Variants in GIGYF2 observed in about 807,000 individuals in gnomAD.
The protein encoded by GIGYF2 is GRB10-interacting GYF protein 2.
A neutral mutation model predicts 208.1 loss-of-function variants in GIGYF2; 25 were observed. That is an observed-to-expected ratio of 0.12 (90% CI 0.09 to 0.17). The LOEUF (loss-of-function observed/expected upper bound fraction) is 0.17. Among genes scored for constraint, GIGYF2 ranks in the 10% least tolerant of loss-of-function variants. The pLI is 1.00. For synonymous variants in GIGYF2, 534 were observed against 543.8 expected (o/e 0.98, Z 0.25); for missense variants, 1,302 against 1,579.4 (o/e 0.82, Z 2.98).
chr2:232,761,367 T>G (rs1190791355), intron 7 of GIGYF2, 29 bp from the exon 8 acceptor site: 1 of 1,537,708 alleles, frequency 6.5e-7, no homozygotes. Flanking sequence ...CTGTGAGACT[T>G]TGTTTGAAAC....
chr2:232,848,378 G>A (rs113823439), intron 27 of GIGYF2, among the ~76,000 whole-genome samples: 2,733 of 152,254 alleles, frequency 0.018, 88 homozygotes, highest in African/African-American at 0.062. Context: ...GCTCATGTCC[G>A]TAATCCCAGC....
chr2:232,728,899 C>A (rs1267871320), intron 2 of GIGYF2, among the ~76,000 whole-genome samples: 5 of 151,692 alleles, frequency 3.3e-5, no homozygotes, highest in Non-Finnish European at 5.9e-5. Context: ...TGGTTCAAAT[C>A]CTGAATTGCT....
intron 20 of GIGYF2, 24 bp from the exon 21 acceptor site, chr2:232,819,803 C>G (rs758213256): frequency 1.4e-5 from 5 of 351,456 alleles, no homozygotes; most frequent in South Asian, 8.6e-5. Flanking sequence ...CCCCCACCCC[C>G]CACCCTCCAT....
Position 232,858,618 on chromosome 2 carries a change from T to C in GIGYF2, c.*1758T>C, listed in dbSNP as rs1690663155. 2.2e-6 allele frequency: 1 copy of C among 453,682 alleles called. No homozygotes were observed. The highest frequency in any genetic ancestry group is 1.6e-5 in the South Asian group (1 of 64,292). 28.1% of individuals were successfully genotyped at this position (453,682 alleles called of 1,614,324 possible). On this transcript the variant is annotated 3_prime_UTR_variant, in exon 29 of 29. Coordinates refer to ENST00000373563, the MANE Select transcript of GIGYF2 (RefSeq NM_001103146.3). The stretch of plus-strand genomic sequence containing the variant: ...AAAAAAGAACTTAAATAAAATCTGA[T>C]TGTATTCTATCTGAGTGCACCTCTT...
intron 3 of GIGYF2, among the ~76,000 whole-genome samples, chr2:232,741,259 C>T (rs1697957960): frequency 6.6e-6 from 1 of 152,058 alleles, no homozygotes; most frequent in East Asian, 1.9e-4. Context: ...TTTGATAATT[C>T]CTTTTACTTC....
intron 2 of GIGYF2, among the ~76,000 whole-genome samples, chr2:232,726,751 C>T (rs78094845): frequency 0.023 from 3,538 of 152,124 alleles, 151 homozygotes; most frequent in African/African-American, 0.081. Context: ...AGATCTTGCC[C>T]GCTCCATACC....
At chr2:232,710,021 G>A (rs546614492) in intron 2 of GIGYF2, among the ~76,000 whole-genome samples, 5 of 151,956 alleles carry the variant, frequency 3.3e-5, no homozygotes, top group South Asian at 2.1e-4. Context: ...GTGCAGTGGC[G>A]TGATCTCAGC....
intron 8 of GIGYF2, among the ~76,000 whole-genome samples, chr2:232,762,678 A>C (rs567582499): frequency 1.1e-4 from 16 of 152,186 alleles, no homozygotes; most frequent in African/African-American, 3.8e-4. Context: ...TTAAAAACTT[A>C]AAGATATCAA....
intron 2 of GIGYF2, among the ~76,000 whole-genome samples, chr2:232,713,083 T>TTTC (rs1457935575): frequency 1.3e-5 from 2 of 151,380 alleles, no homozygotes; most frequent in Non-Finnish European, 2.9e-5. Flanking sequence ...AAAACTTCTT[T>TTTC]TTTTTTTTTT....
At chr2:232,758,814 A>T (rs568944769) in intron 6 of GIGYF2, among the ~76,000 whole-genome samples, 1 of 152,336 alleles carries the variant, frequency 6.6e-6, no homozygotes, top group African/African-American at 2.4e-5. Context: ...TCTCTAAAAG[A>T]TGAGGAGACT....
chr2:232,844,314 T>G, intron 24 of GIGYF2, 55 bp from the exon 25 acceptor site: 1 of 1,612,618 alleles, frequency 6.2e-7, no homozygotes, highest in Non-Finnish European at 8.5e-7. Context: ...TCTGACTGTC[T>G]TCTTATCTTT....
chr2:232,858,869 A>G lies in GIGYF2; in HGVS notation c.*2009A>G, dbSNP rs1574963228. ...ACTCTCCCTTTCTGCTAACATGTGG[A>G]TCAGCTCCTGCCCTCATACCGCAGA... On this transcript the variant is annotated 3_prime_UTR_variant, in exon 29 of 29. Transcript: ENST00000373563. 1 of 274,744 alleles carries G rather than the reference A, an allele frequency of 3.6e-6. No individual in the cohort carries two copies. Among genetic ancestry groups the G allele is most frequent in the East Asian group, 9.4e-5 (1 of 10,656 alleles). The allele number at this position is 274,744 out of a possible 1,614,324, so 17.0% of individuals were successfully genotyped here. A position where few individuals can be genotyped will look rare whatever the true frequency, so the allele number is the denominator to read the frequency against.
In GIGYF2 at chr2:232,756,231, T is replaced by C. The variant is rs764483490; in HGVS notation, c.276T>C (p.Phe92=). Residue 92 remains phenylalanine (F), a synonymous_variant, in exon 6 of 29, where the codon TTT becomes TTC. Coordinates refer to ENST00000373563, the MANE Select transcript of GIGYF2 (RefSeq NM_001103146.3). ...TTTTTTTTTTTTGGCAGAGAAACTT[T>C]TCCATGTCTGTAAATAGTGCTGCTG... ...VPFTEEEQRN[F]SMSVNSAAVL... is the part of the protein sequence containing the mutation. 6.5e-7 allele frequency: 1 copy of C among 1,530,048 alleles called. No homozygotes were observed. Among genetic ancestry groups the C allele is most frequent in the East Asian group, 2.3e-5 (1 of 44,232 alleles). The allele number at this position is 1,530,048 out of a possible 1,614,324, so 94.8% of individuals were successfully genotyped here.
chr2:232,745,730 A>C (rs895110309), intron 3 of GIGYF2, among the ~76,000 whole-genome samples: 4 of 152,178 alleles, frequency 2.6e-5, no homozygotes, highest in Non-Finnish European at 5.9e-5. Context: ...ACCTTAGTGA[A>C]CTTAGGGAAC....
Position 232,792,856 on chromosome 2 carries a change from T to G in GIGYF2, c.1282+1410T>G. ...GAAATTCTTGGATCAAGTCTAGATA[T>G]ATATATTCTGAGAAGGCTTCATAGA... is the stretch of plus-strand genomic sequence containing the variant. On this transcript the variant is annotated intron_variant, in intron 12 of 28. Coordinates refer to ENST00000373563, the MANE Select transcript of GIGYF2 (RefSeq NM_001103146.3). 1.3e-5 allele frequency among the ~76,000 whole-genome samples: 2 copies of G among 152,182 alleles called. 1 individual carries two copies. The highest frequency in any genetic ancestry group is 2.9e-5 in the Non-Finnish European group (2 of 68,030).
chr2:232,844,715 C>A, intron 25 of GIGYF2, 141 bp downstream of exon 25: 2 of 692,090 alleles, frequency 2.9e-6, no homozygotes, highest in South Asian at 1.5e-5. Context: ...CACATGCAGT[C>A]ATAATTATGG....
At chr2:232,771,914 A>G (rs1361799030) in intron 8 of GIGYF2, among the ~76,000 whole-genome samples, 1 of 152,210 alleles carries the variant, frequency 6.6e-6, no homozygotes, top group Non-Finnish European at 1.5e-5. Flanking sequence ...CAAGGCTTAC[A>G]TTTGTGGTAA....
rs765122125 is a variant in GIGYF2 at position 232,845,848 on chromosome 2, A to G, written c.3422A>G (p.Gln1141Arg). The G allele has an allele frequency of 3.7e-6, 6 of 1,612,706 alleles. No individual in the cohort carries two copies. The highest frequency in any genetic ancestry group is 5.1e-6 in the Non-Finnish European group (6 of 1,178,666). The change falls in exon 26 of 29, where the codon CAG becomes CGG. Residue 1141 changes from glutamine (Q) to arginine (R), a missense_variant. Gln to Arg is a conservative substitution (Grantham distance 43). Coordinates refer to ENST00000373563, the MANE Select transcript of GIGYF2 (RefSeq NM_001103146.3). ...GATGGATTTACGCAGTGGTGTGAAC[A>G]GATGCTTCATGCCCTTAATACGGCA... ...AQDGFTQWCE[Q>R]MLHALNTANN...
chr2:232,806,368 T>G lies in GIGYF2; in HGVS notation c.1640-123T>G. ...AGCTACCTTTAGAGGTGAATTAAAT[T>G]AGATAGTATAAAACATTTTGACAGA... is the stretch of plus-strand genomic sequence containing the variant. On this transcript the variant is annotated intron_variant, in intron 14 of 28. Coordinates refer to ENST00000373563, the MANE Select transcript of GIGYF2 (RefSeq NM_001103146.3). The surrounding 1 kb of genome is among the most constrained non-coding windows in gnomAD (Gnocchi z 4.0). 1.3e-6 allele frequency: 1 copy of G among 761,660 alleles called. No individual in the cohort carries two copies. The highest frequency in any genetic ancestry group is 2.4e-6 in the Non-Finnish European group (1 of 421,312). 47.2% of individuals were successfully genotyped at this position (761,660 alleles called of 1,614,324 possible).
Sources: allele counts gnomAD v4.1 joint callset (sites outside exome capture counted in the v4.1 genomes callset), GRCh38; gene constraint gnomAD v4.1.1; non-coding constraint Gnocchi (gnomAD v3.1); transcripts MANE v1.5; gene names NCBI Gene and HGNC (gene_info 2026-07-23, HGNC 2026-07-21).